The following SCOC variants were observed in gnomAD, a reference collection of about 807,000 sequenced individuals.
The protein encoded by SCOC is short coiled-coil protein, also known as short coiled coil protein.
Under a neutral mutation model 9.9 loss-of-function variants are expected in SCOC, and 7 were observed. That is an observed-to-expected ratio of 0.71 (90% CI 0.40 to 1.33). SCOC has a LOEUF of 1.33. Among genes scored for constraint, SCOC ranks in the 40% most tolerant of loss-of-function variants. The pLI is 0.01. For synonymous variants in SCOC, 19 were observed against 28.2 expected, an observed-to-expected ratio of 0.67 and a Z score of 1.03; for missense variants, 66 against 89.7, an observed-to-expected ratio of 0.74 and a Z score of 1.07.
chr4:140,316,417 C>A (rs1477711964), intron 1 of SCOC, among the ~76,000 whole-genome samples: 1 of 152,208 alleles, frequency 6.6e-6, no homozygotes, highest in Non-Finnish European at 1.5e-5. Context: ...TTATTTCAAT[C>A]TATGTATATA....
chr4:140,368,465 A>G (rs922126951), intron 2 of SCOC, among the ~76,000 whole-genome samples: 4 of 152,226 alleles, frequency 2.6e-5, no homozygotes, highest in African/African-American at 9.6e-5. Context: ...GGAAATGCTA[A>G]TTTGAAAATA....
upstream of SCOC, among the ~76,000 whole-genome samples, chr4:140,371,906 A>T (rs553502883): frequency 5.2e-5 from 8 of 152,382 alleles, no homozygotes; most frequent in South Asian, 1.7e-3. Context: ...CATAATACAC[A>T]TAATAAATGA....
upstream of SCOC, among the ~76,000 whole-genome samples, chr4:140,339,498 C>T (rs369856509): frequency 2.0e-5 from 3 of 152,106 alleles, no homozygotes; most frequent in African/African-American, 4.8e-5. Context: ...GAAACTACCA[C>T]CAGAGTGAAC....
intron 1 of SCOC, among the ~76,000 whole-genome samples, chr4:140,263,726 G>C (rs1441188654): frequency 6.6e-6 from 1 of 152,108 alleles, no homozygotes; most frequent in East Asian, 1.9e-4. Context: ...ACCCCGAATG[G>C]GTGAAATAGG....
intron 1 of SCOC, among the ~76,000 whole-genome samples, chr4:140,313,410 C>T (rs941042882): frequency 6.6e-6 from 1 of 152,152 alleles, no homozygotes; most frequent in East Asian, 1.9e-4. Flanking sequence ...TGTCACCACA[C>T]CCAGCTAATT....
intron 1 of SCOC, among the ~76,000 whole-genome samples, chr4:140,316,085 C>T (rs1466778776): frequency 6.6e-6 from 1 of 152,028 alleles, no homozygotes; most frequent in East Asian, 1.9e-4. Flanking sequence ...GCAGAAACAC[C>T]AACAAAAGTC....
At chr4:140,278,304 CTT>C (rs576171237) in intron 1 of SCOC, among the ~76,000 whole-genome samples, 10 of 143,076 alleles carry the variant, frequency 7.0e-5, no homozygotes, top group African/African-American at 5.1e-5. Flanking sequence ...TCTCTGAAGC[CTT>C]TTTTTTTTTT....
intron 2 of SCOC, among the ~76,000 whole-genome samples, chr4:140,349,156 A>T (rs2126524321): frequency 6.6e-6 from 1 of 152,350 alleles, no homozygotes; most frequent in East Asian, 1.9e-4. Context: ...AGCAATTGTG[A>T]TGACAGAATG....
intron 1 of SCOC, among the ~76,000 whole-genome samples, chr4:140,257,684 G>A (rs1164148890): frequency 6.6e-6 from 1 of 152,172 alleles, no homozygotes; most frequent in Non-Finnish European, 1.5e-5. Flanking sequence ...GCTCTCATAA[G>A]TTCATTGTGA....
At chr4:140,317,532 G>A (rs995292398) in intron 1 of SCOC, among the ~76,000 whole-genome samples, 11 of 151,576 alleles carry the variant, frequency 7.3e-5, no homozygotes, top group African/African-American at 2.2e-4. Context: ...CCTTAGAGTT[G>A]TAAGCCCTTA....
At chr4:140,373,421 T>C, upstream of SCOC, 21 of 1,506,490 alleles carry the variant, frequency 1.4e-5, no homozygotes, top group Non-Finnish European at 1.9e-5. Flanking sequence ...GCTGTCGCTG[T>C]TCCAGGTCCC....
chr4:140,291,468 A>C (rs765883425), intron 1 of SCOC: 1 of 457,376 alleles, frequency 2.2e-6, no homozygotes, highest in South Asian at 1.5e-5. Flanking sequence ...GCATGATGTC[A>C]TCATTGTAAT....
intron 1 of SCOC, among the ~76,000 whole-genome samples, chr4:140,259,219 CTT>C (rs1730576033): frequency 6.6e-6 from 1 of 152,220 alleles, no homozygotes; most frequent in South Asian, 2.1e-4. Flanking sequence ...GGATGCCCAT[CTT>C]TGATTCCTCT....
intron 3 of SCOC, among the ~76,000 whole-genome samples, chr4:140,380,267 G>A (rs1728520547): frequency 7.1e-6 from 1 of 141,688 alleles, no homozygotes; most frequent in African/African-American, 2.7e-5. Context: ...GCGCAACCTC[G>A]GCTCCCTGCA....
In SCOC at chr4:140,383,411, A is replaced by G. The variant is rs1728626754; in HGVS notation, c.*2307A>G. 1 of 152,214 alleles carries G rather than the reference A, an allele frequency of 6.6e-6. No homozygotes were observed. Among genetic ancestry groups the G allele is most frequent in the Admixed American group, 6.5e-5 (1 of 15,272 alleles). 9.4% of individuals were successfully genotyped at this position (152,214 alleles called of 1,614,324 possible). On this transcript the variant is annotated 3_prime_UTR_variant, in exon 4 of 4. Transcript: ENST00000608372. ...TCACCCTTGCTGCTGCCCATTTATAATGTAGTTGGGACAGGATGGCCAAAT... is the reference window on the plus strand; with the variant it reads ...TCACCCTTGCTGCTGCCCATTTATAGTGTAGTTGGGACAGGATGGCCAAAT...
chr4:140,372,186 G>A (rs1441062113), upstream of SCOC, among the ~76,000 whole-genome samples: 2 of 152,240 alleles, frequency 1.3e-5, no homozygotes, highest in African/African-American at 4.8e-5. Context: ...ATTGGTTCTG[G>A]AGATTGGTTG....
intron 3 of SCOC, among the ~76,000 whole-genome samples, chr4:140,379,909 C>A (rs144122459): frequency 6.6e-6 from 1 of 152,050 alleles, no homozygotes; most frequent in Middle Eastern, 3.2e-3. Context: ...CCTTTTAAGT[C>A]CCCATAATGT....
chr4:140,305,105 C>G (rs372126539), intron 1 of SCOC, among the ~76,000 whole-genome samples: 20 of 152,310 alleles, frequency 1.3e-4, no homozygotes, highest in African/African-American at 4.1e-4. Context: ...GGAAAAACAA[C>G]CGCATTGCAG....
chr4:140,306,663 G>A (rs1202249791), intron 1 of SCOC, among the ~76,000 whole-genome samples: 2 of 151,928 alleles, frequency 1.3e-5, no homozygotes, highest in South Asian at 2.1e-4. Context: ...AGAGACAGAG[G>A]GGCTGGAATA....
Sources: allele counts gnomAD v4.1 joint callset (sites outside exome capture counted in the v4.1 genomes callset), GRCh38; gene constraint gnomAD v4.1.1; transcripts MANE v1.5; gene names NCBI Gene and HGNC (gene_info 2026-07-23, HGNC 2026-07-21).